Variants in TPCN2 observed in about 807,000 individuals in gnomAD.
The protein encoded by TPCN2 is two pore segment channel 2, also known as two pore channel protein 2.
In TPCN2, 92 loss-of-function variants were observed where a neutral mutation model predicts 111.4. The observed-to-expected ratio is 0.83, with a 90% CI of 0.70 to 0.98. TPCN2 has a LOEUF of 0.98. TPCN2 is among the 50% of genes least tolerant of loss of function. The pLI, the probability that TPCN2 is intolerant of heterozygous loss-of-function variation, is 0.00. For synonymous variants in TPCN2, 405 were observed against 414.5 expected (o/e 0.98, Z 0.28); for missense variants, 995 against 980.1 (o/e 1.02, Z -0.20).
At chr11:69,063,743 G>A in intron 6 of TPCN2, 152 bp from the exon 7 acceptor site, 1 of 680,834 alleles carries the variant, frequency 1.5e-6, no homozygotes, top group East Asian at 2.7e-5. Flanking sequence ...CATGAGGCAA[G>A]GCCCTCGGGG....
chr11:69,085,722 G>C lies in TPCN2; in HGVS notation c.1890G>C (p.Glu630Asp). The C allele has an allele frequency of 6.2e-7, 1 of 1,614,174 alleles. No individual in the cohort carries two copies. The highest frequency in any genetic ancestry group is 8.5e-7 in the Non-Finnish European group (1 of 1,180,026). Reference sequence around the variant, plus strand: ...CCTGTGGGAGCTTCGAGCAGCTGGAGTACTGGGCCAACAACTTCGATGACT... The same window carrying C: ...CCTGTGGGAGCTTCGAGCAGCTGGACTACTGGGCCAACAACTTCGATGACT... ...SAPCGSFEQL[E>D]YWANNFDDFA... Residue 630 changes from glutamate to aspartate, a missense_variant, in exon 21 of 25, where the codon GAG (glutamate) becomes GAC (aspartate). Coordinates refer to ENST00000294309, the MANE Select transcript of TPCN2 (RefSeq NM_139075.4).
At chr11:69,062,118 G>A (rs1398471527) in intron 5 of TPCN2, among the ~76,000 whole-genome samples, 1 of 152,046 alleles carries the variant, frequency 6.6e-6, no homozygotes, top group Non-Finnish European at 1.5e-5. Flanking sequence ...AGAAGGAGAC[G>A]GGGAGCAGGT....
rs753904192 is a variant in TPCN2 at position 69,054,783 on chromosome 11, G to T, written c.237G>T (p.Ser79=). ...SSMWLYRRYY[S]NVCQRTLSFT... ...TGTGGCTTTACCGACGGTATTACTC[G>T]AACGTATGCCAACGGTGAGAACGCA... The change falls in exon 3 of 25, where the codon TCG becomes TCT. Residue 79 remains serine (S), a synonymous_variant. Coordinates refer to ENST00000294309, the MANE Select transcript of TPCN2 (RefSeq NM_139075.4). 3 of 1,614,106 alleles carry T rather than the reference G, an allele frequency of 1.9e-6. No individual in the cohort carries two copies. Among genetic ancestry groups the T allele is most frequent in the Non-Finnish European group, 2.5e-6 (3 of 1,179,972 alleles).
intron 17 of TPCN2, among the ~76,000 whole-genome samples, chr11:69,081,005 G>A (rs1855982835): frequency 6.6e-6 from 1 of 152,092 alleles, no homozygotes; most frequent in African/African-American, 2.4e-5. Flanking sequence ...TGGGGCTGGC[G>A]CAGGAGACCG....
chr11:69,078,651 C>T (rs773040530), intron 14 of TPCN2, 50 bp downstream of exon 14: 3 of 1,613,324 alleles, frequency 1.9e-6, no homozygotes, highest in Non-Finnish European at 2.5e-6. Context: ...GGTTCCCGCC[C>T]ACCTTGCAGG....
Position 69,090,428 on chromosome 11 carries a change from A to G in TPCN2, c.*2475A>G, listed in dbSNP as rs11228488. The G allele has an allele frequency of 1.3e-5, 2 of 152,068 alleles. No homozygotes were observed. The highest frequency in any genetic ancestry group is 3.9e-4 in the East Asian group (2 of 5,180). 9.4% of individuals were successfully genotyped at this position (152,068 alleles called of 1,614,324 possible). A position where few individuals can be genotyped will look rare whatever the true frequency, so the allele number is the denominator to read the frequency against. On this transcript the variant is annotated 3_prime_UTR_variant, in exon 25 of 25. Coordinates refer to ENST00000294309, the MANE Select transcript of TPCN2 (RefSeq NM_139075.4). ...ATCCGACTGGGGCTTTGACTCCCAC[A>G]CTGTGTACCCCTCTTGTGTGGACGC...
chr11:69,065,597 C>T (rs1176208812), intron 7 of TPCN2, among the ~76,000 whole-genome samples: 1 of 152,178 alleles, frequency 6.6e-6, no homozygotes, highest in Admixed American at 6.5e-5. Flanking sequence ...GGCCATCATG[C>T]CCTGCCACCC....
At chr11:69,074,326 C>T (rs1227503162) in intron 13 of TPCN2, among the ~76,000 whole-genome samples, 1 of 152,250 alleles carries the variant, frequency 6.6e-6, no homozygotes. Context: ...CCCCCAGCCC[C>T]TTGGGGCATA....
chr11:69,061,385 G>A (rs750492847), intron 5 of TPCN2, among the ~76,000 whole-genome samples: 110 of 152,362 alleles, frequency 7.2e-4, no homozygotes, highest in Non-Finnish European at 1.4e-3. Flanking sequence ...GAGGGTTTTG[G>A]TTTTGTGCAA....
chr11:69,087,100 C>T lies in TPCN2; in HGVS notation c.2086-12C>T, dbSNP rs1381749422. On this transcript the variant is annotated splice_polypyrimidine_tract_variant and intron_variant, in intron 23 of 24. Transcript: ENST00000294309. Reference sequence around the variant, plus strand: ...GGGCCCACACTCACTGGCCACTCCTCCTGCTTGCCAGAACTTCCTTCACAA... The same window carrying T: ...GGGCCCACACTCACTGGCCACTCCTTCTGCTTGCCAGAACTTCCTTCACAA... 1 of 1,612,804 alleles carries T rather than the reference C, an allele frequency of 6.2e-7. No homozygotes were observed. Among genetic ancestry groups the T allele is most frequent in the Non-Finnish European group, 8.5e-7 (1 of 1,179,032 alleles).
At position 69,071,383 on chromosome 11, in the gene TPCN2, C is replaced by A. The variant is rs1410418957; in HGVS notation, c.923C>A (p.Thr308Lys). ...AGCCTGTTTCTGATGAACCTGCTGA[C>A]AGCCATCATCTACAGTCAGTTCCGG... Reference protein sequence around the residue: ...IGSLFLMNLLTAIIYSQFRGY... With the variant: ...IGSLFLMNLLKAIIYSQFRGY... Residue 308 changes from threonine to lysine, a missense_variant, in exon 10 of 25, where the codon ACA (threonine) becomes AAA (lysine). Physicochemically the swap from Thr to Lys is moderately conservative, Grantham distance 78. Coordinates refer to ENST00000294309, the MANE Select transcript of TPCN2 (RefSeq NM_139075.4). 1 of 1,613,802 alleles carries A rather than the reference C, an allele frequency of 6.2e-7. No homozygotes were observed. Among genetic ancestry groups the A allele is most frequent in the East Asian group, 2.2e-5 (1 of 44,878 alleles).
intron 14 of TPCN2, 56 bp downstream of exon 14, chr11:69,078,657 G>T: frequency 5.6e-6 from 9 of 1,613,382 alleles, no homozygotes; most frequent in Non-Finnish European, 7.6e-6. Context: ...CGCCCACCTT[G>T]CAGGGGAGCC....
chr11:69,055,723 C>T (rs1222135420), intron 4 of TPCN2, among the ~76,000 whole-genome samples: 3 of 152,202 alleles, frequency 2.0e-5, no homozygotes, highest in African/African-American at 7.2e-5. Context: ...GTCAGCTCTC[C>T]TCCCTCTCCA....
chr11:69,086,729 G>A (rs1017629778), intron 23 of TPCN2, 125 bp downstream of exon 23: 4 of 912,648 alleles, frequency 4.4e-6, no homozygotes, highest in African/African-American at 1.6e-5. Context: ...TGGGTTAGGC[G>A]GGTCCTGAGT....
At chr11:69,050,941 A>G (rs1325633252) in intron 1 of TPCN2, among the ~76,000 whole-genome samples, 1 of 152,234 alleles carries the variant, frequency 6.6e-6, no homozygotes, top group African/African-American at 2.4e-5. Flanking sequence ...GGCCTCAGCC[A>G]GGGCTTCTGA....
chr11:69,085,179 G>A, intron 19 of TPCN2, 31 bp from the exon 20 acceptor site: 1 of 1,602,870 alleles, frequency 6.2e-7, no homozygotes, highest in Non-Finnish European at 8.5e-7. Context: ...CATGGGTGGG[G>A]CTGATCAGTC....
rs368490605 is a variant in TPCN2, at chr11:69,054,088, T to C, written c.165T>C (p.Asp55=). The C allele has an allele frequency of 2.0e-5, 33 of 1,613,350 alleles. No homozygotes were observed. Among genetic ancestry groups the C allele is most frequent in the Non-Finnish European group, 2.7e-5 (32 of 1,179,938 alleles). ...CIDQAVVFIE[D]AIQYRSINHR... ...ATCAGGCTGTGGTCTTCATCGAAGA[T>C]GCTATTCAGGTCGGTGGCACCTGCT... The change falls in exon 2 of 25, where the codon GAT becomes GAC. Residue 55 remains aspartate (D), a synonymous_variant. Coordinates refer to ENST00000294309, the MANE Select transcript of TPCN2 (RefSeq NM_139075.4).
At chr11:69,060,019 T>G (rs1234960029) in intron 5 of TPCN2, among the ~76,000 whole-genome samples, 1 of 152,222 alleles carries the variant, frequency 6.6e-6, no homozygotes, top group Admixed American at 6.5e-5. Flanking sequence ...CCAGAGAGCC[T>G]CCTCTCCACG....
At position 69,085,952 on chromosome 11, in the gene TPCN2, G is replaced by A. The variant is rs1425259696; in HGVS notation, c.2003+22G>A. The A allele has an allele frequency of 3.7e-6, 6 of 1,607,724 alleles. No individual in the cohort carries two copies. In the Admixed American group the frequency reaches 6.7e-5, roughly 18 times the overall value. ...GCCCGTGAGTCCTCGTCTCCCTGACGGCAGTGATTCTCCGTGCAGCCTGGG... is the reference window on the plus strand; with the variant it reads ...GCCCGTGAGTCCTCGTCTCCCTGACAGCAGTGATTCTCCGTGCAGCCTGGG... On this transcript the variant is annotated intron_variant, in intron 22 of 24. Coordinates refer to ENST00000294309, the MANE Select transcript of TPCN2 (RefSeq NM_139075.4).
Sources: allele counts gnomAD v4.1 joint callset (sites outside exome capture counted in the v4.1 genomes callset), GRCh38; gene constraint gnomAD v4.1.1; transcripts MANE v1.5; gene names NCBI Gene and HGNC (gene_info 2026-07-23, HGNC 2026-07-21).